Variants in DROSHA observed in about 807,000 individuals in gnomAD.
DROSHA encodes the protein drosha ribonuclease III.
A neutral mutation model predicts 181.9 loss-of-function variants in DROSHA; 56 were observed. That is an observed-to-expected ratio of 0.31 (90% CI 0.25 to 0.38). The LOEUF is 0.38. Among genes scored for constraint, DROSHA ranks in the 10% least tolerant of loss-of-function variants. DROSHA has a pLI of 1.00. For synonymous variants in DROSHA, 524 were observed against 591.2 expected, an observed-to-expected ratio of 0.89 and a Z score of 1.65; for missense variants, 1,218 against 1,743.5, an observed-to-expected ratio of 0.70 and a Z score of 5.37.
chr5:31,429,635 C>A, intron 26 of DROSHA, 90 bp from the exon 27 acceptor site: 2 of 991,002 alleles, frequency 2.0e-6, no homozygotes, highest in South Asian at 1.7e-5. Flanking sequence ...AAACGCAAGC[C>A]AAAAACTACT....
intron 6 of DROSHA, among the ~76,000 whole-genome samples, chr5:31,516,147 T>A (rs1739251162): frequency 6.6e-6 from 1 of 152,152 alleles, no homozygotes; most frequent in African/African-American, 2.4e-5. Flanking sequence ...TCCCAGCTAC[T>A]CAGGAGGCTG....
At chr5:31,420,685 G>A (rs970875442) in intron 30 of DROSHA, among the ~76,000 whole-genome samples, 2 of 151,936 alleles carry the variant, frequency 1.3e-5, no homozygotes, top group Admixed American at 6.6e-5. Context: ...CCCTTGCATA[G>A]ACATTTCTTC....
chr5:31,401,283 A>G lies in DROSHA; in HGVS notation c.*149T>C, dbSNP rs768904826. Reference sequence around the variant, plus strand: ...ATAAAGACCATCCAGCTAAAAACAGATCATTAAAACAACAATAGCGATTTG... The same window carrying G: ...ATAAAGACCATCCAGCTAAAAACAGGTCATTAAAACAACAATAGCGATTTG... On this transcript the variant is annotated 3_prime_UTR_variant, in exon 36 of 36. Coordinates refer to ENST00000344624, the MANE Select transcript of DROSHA (RefSeq NM_001382508.1). The G allele has an allele frequency of 6.3e-6, 7 of 1,112,288 alleles. No homozygotes were observed. Among genetic ancestry groups the G allele is most frequent in the Non-Finnish European group, 8.0e-6 (6 of 748,086 alleles). The allele number at this position is 1,112,288 out of a possible 1,614,324, so 68.9% of individuals were successfully genotyped here. A position where few individuals can be genotyped will look rare whatever the true frequency, so the allele number is the denominator to read the frequency against.
chr5:31,434,172 G>A (rs903128869), intron 25 of DROSHA, among the ~76,000 whole-genome samples: 14 of 152,210 alleles, frequency 9.2e-5, no homozygotes, highest in African/African-American at 3.4e-4. Flanking sequence ...GCTTTGTACA[G>A]CACCCAATGG....
intron 11 of DROSHA, among the ~76,000 whole-genome samples, chr5:31,499,248 A>T (rs1207227639): frequency 6.6e-6 from 1 of 152,210 alleles, no homozygotes; most frequent in Non-Finnish European, 1.5e-5. Flanking sequence ...CCTTCTGTCC[A>T]ATCCTGCTTC....
chr5:31,432,697 G>A (rs559615536), intron 25 of DROSHA, among the ~76,000 whole-genome samples: 1 of 152,214 alleles, frequency 6.6e-6, no homozygotes, highest in East Asian at 1.9e-4. Flanking sequence ...GAAGAGTTTA[G>A]AGCCAAATTT....
chr5:31,407,493 A>T (rs1221753898), intron 33 of DROSHA, among the ~76,000 whole-genome samples: 1 of 152,242 alleles, frequency 6.6e-6, no homozygotes, highest in East Asian at 1.9e-4. Flanking sequence ...CCAAGTACAC[A>T]ACACAATCGC....
rs1232457396 is a variant in DROSHA at position 31,521,153 on chromosome 5, G to C, written c.917C>G (p.Ser306Cys). Residue 306 changes from serine (S) to cysteine (C), a missense_variant, in exon 6 of 36, where the codon TCC (serine) becomes TGC (cysteine). By Grantham distance (112) the Ser-to-Cys change is moderately radical (BLOSUM62 -1). Around this residue, in one of 8 missense-constraint regions of DROSHA, gnomAD observed 536 missense variants for 535.4 expected, o/e 1.00. Coordinates refer to ENST00000344624, the MANE Select transcript of DROSHA (RefSeq NM_001382508.1). ...AGATCTCTTATACTCTTTTTTGTAG[G>C]ACCTTTCCAGAGATGGTGATCTTCG... ...DNRRSPSLER[S>C]YKKEYKRSGR... 1 of 1,613,480 alleles carries C rather than the reference G, an allele frequency of 6.2e-7. No homozygotes were observed. Among genetic ancestry groups the C allele is most frequent in the Admixed American group, 1.7e-5 (1 of 60,002 alleles).
At chr5:31,443,100 A>T (rs1162771073) in intron 23 of DROSHA, among the ~76,000 whole-genome samples, 1 of 149,986 alleles carries the variant, frequency 6.7e-6, no homozygotes, top group East Asian at 2.0e-4. Context: ...GCTCACTGCA[A>T]CCTCCACCTC....
intron 30 of DROSHA, among the ~76,000 whole-genome samples, chr5:31,412,241 C>T (rs1256914808): frequency 2.0e-5 from 3 of 152,172 alleles, no homozygotes; most frequent in African/African-American, 4.8e-5. Context: ...ACATAATCAT[C>T]CCTGATCTCT....
In DROSHA at chr5:31,437,440, C is replaced by T. The variant is rs903993125; in HGVS notation, c.2883-142G>A. ...TCCCTATTCCTCATAATTAAGAGCA[C>T]AGACCACCATCTTAGCCTAGAGGCA... On this transcript the variant is annotated intron_variant, in intron 23 of 35. Transcript: ENST00000344624. 3 of 734,032 alleles carry T rather than the reference C, an allele frequency of 4.1e-6. No individual in the cohort carries two copies. The African/African-American group carries it at 5.8e-5, about 14-fold the overall frequency. The allele number at this position is 734,032 out of a possible 1,614,324, so 45.5% of individuals were successfully genotyped here.
chr5:31,422,732 G>C, intron 29 of DROSHA, 55 bp downstream of exon 29: 1 of 1,601,572 alleles, frequency 6.2e-7, no homozygotes. Flanking sequence ...CCAAAGGTCT[G>C]GGACTGCCTC....
intron 6 of DROSHA, among the ~76,000 whole-genome samples, chr5:31,520,285 T>C (rs1347370994): frequency 6.6e-6 from 1 of 152,242 alleles, no homozygotes; most frequent in Non-Finnish European, 1.5e-5. Flanking sequence ...CCTAATGTTA[T>C]GTAGATTTTT....
chr5:31,420,481 C>T (rs1456451114), intron 30 of DROSHA, among the ~76,000 whole-genome samples: 1 of 152,184 alleles, frequency 6.6e-6, no homozygotes, highest in Non-Finnish European at 1.5e-5. Flanking sequence ...TAAAAAAGCT[C>T]ACAAAAGTTT....
chr5:31,496,283 C>A (rs1752962877), intron 11 of DROSHA, among the ~76,000 whole-genome samples: 1 of 152,108 alleles, frequency 6.6e-6, no homozygotes. Context: ...CAAAAATTAG[C>A]CTGGTGTGGT....
At chr5:31,497,548 G>C (rs1196682218) in intron 11 of DROSHA, among the ~76,000 whole-genome samples, 2 of 152,228 alleles carry the variant, frequency 1.3e-5, no homozygotes, top group Non-Finnish European at 2.9e-5. Flanking sequence ...TTCCATAACA[G>C]AGGTACAAAG....
intron 20 of DROSHA, among the ~76,000 whole-genome samples, 186 bp from the exon 21 acceptor site, chr5:31,451,826 T>A (rs374213619): frequency 2.6e-5 from 4 of 152,312 alleles, no homozygotes; most frequent in African/African-American, 7.2e-5. Flanking sequence ...TAAGAGTATA[T>A]AGTCTCTAGA....
At chr5:31,525,502 A>AC (rs1441132951) in intron 5 of DROSHA, among the ~76,000 whole-genome samples, 20 of 125,122 alleles carry the variant, frequency 1.6e-4, no homozygotes, top group African/African-American at 6.6e-4. Flanking sequence ...AGATTCTGTC[A>AC]CAAAAAAAAA....
chr5:31,478,834 A>G (rs546302449), intron 16 of DROSHA, among the ~76,000 whole-genome samples: 39 of 152,230 alleles, frequency 2.6e-4, no homozygotes, highest in Non-Finnish European at 5.3e-4. Context: ...ACAAATTGGT[A>G]TGTCCTTTCT....
Sources: allele counts gnomAD v4.1 joint callset (sites outside exome capture counted in the v4.1 genomes callset), GRCh38; gene constraint gnomAD v4.1.1; regional missense constraint gnomAD v4.1.1; transcripts MANE v1.5; gene names NCBI Gene and HGNC (gene_info 2026-07-23, HGNC 2026-07-21).